The following ADGRD1 variants were observed in gnomAD, a reference collection of about 807,000 sequenced individuals.
ADGRD1 encodes adhesion G protein-coupled receptor D1, also known as G-protein coupled receptor 133.
A neutral mutation model predicts 113.4 loss-of-function variants in ADGRD1; 77 were observed. The ratio of observed to expected loss-of-function variants is 0.68; its 90% CI spans 0.57 to 0.82. The LOEUF (loss-of-function observed/expected upper bound fraction) is 0.82, where lower values mean the gene tolerates loss of function less well. Ranked by LOEUF, ADGRD1 falls within the 40% of genes least tolerant of loss-of-function variation. The pLI, the probability that ADGRD1 is intolerant of heterozygous loss-of-function variation, is 0.00. For synonymous variants in ADGRD1, 474 were observed against 475.0 expected (o/e 1.00, Z 0.03); for missense variants, 1,036 against 1,139.1 (o/e 0.91, Z 1.30).
At chr12:130,993,686 T>A (rs1285287430) in intron 8 of ADGRD1, 3 of 152,208 alleles carry the variant, frequency 2.0e-5, no homozygotes, top group Non-Finnish European at 4.4e-5. Flanking sequence ...CGCCCATGTG[T>A]CTCAGGTACT....
intron 15 of ADGRD1, among the ~76,000 whole-genome samples, chr12:131,100,983 A>G (rs1251766110): frequency 1.3e-5 from 2 of 152,234 alleles, no homozygotes; most frequent in Non-Finnish European, 2.9e-5. Flanking sequence ...GCCTTCAGCA[A>G]ATACCTCTGG....
intron 8 of ADGRD1, 173 bp downstream of exon 8, chr12:130,992,565 C>A: frequency 1.7e-6 from 1 of 581,506 alleles, no homozygotes; most frequent in Non-Finnish European, 3.0e-6. Flanking sequence ...CTGGCCAGCT[C>A]TGTACAGCTC....
chr12:131,057,344 G>A lies in ADGRD1; in HGVS notation c.1474-19457G>A, dbSNP rs895453641. 2.0e-5 allele frequency among the ~76,000 whole-genome samples: 3 copies of A among 152,178 alleles called. No individual in the cohort carries two copies. Among genetic ancestry groups the A allele is most frequent in the Admixed American group, 6.5e-5 (1 of 15,284 alleles). On this transcript the variant is annotated intron_variant, in intron 13 of 24. Transcript: ENST00000261654. The surrounding 1 kb of genome is among the most constrained non-coding windows in gnomAD (Gnocchi z 4.2). ...AGAGAATGCTTGGAAGGGGAACGGT[G>A]GAGAAAAGGGGCCAGATGGCAGCGG...
At chr12:131,011,365 T>C (rs1224731302) in intron 12 of ADGRD1, among the ~76,000 whole-genome samples, 1 of 151,696 alleles carries the variant, frequency 6.6e-6, no homozygotes, top group Non-Finnish European at 1.5e-5. Flanking sequence ...CCAGATTTGC[T>C]CTCATATCAT....
Position 131,057,498 on chromosome 12 carries a change from G to A in ADGRD1, c.1474-19303G>A, listed in dbSNP as rs1378753303. 6.6e-6 allele frequency among the ~76,000 whole-genome samples: 1 copy of A among 152,160 alleles called. No homozygotes were observed. The highest frequency in any genetic ancestry group is 2.4e-5 in the African/African-American group (1 of 41,438). On this transcript the variant is annotated intron_variant, in intron 13 of 24. Coordinates refer to ENST00000261654, the MANE Select transcript of ADGRD1 (RefSeq NM_198827.5). The surrounding 1 kb of genome is among the most constrained non-coding windows in gnomAD (Gnocchi z 4.2). ...AGTCTGAGACAAAGGCGTTGGCAGA[G>A]CTAGTTCGTTCTGGAGGCTCAGCGG...
chr12:131,090,025 T>C (rs1311719923), intron 15 of ADGRD1, among the ~76,000 whole-genome samples: 1 of 152,072 alleles, frequency 6.6e-6, no homozygotes, highest in Non-Finnish European at 1.5e-5. Context: ...TGTGTGTTTG[T>C]GGTAGAGGAA....
chr12:131,080,141 T>C (rs1885953001), intron 14 of ADGRD1, among the ~76,000 whole-genome samples: 1 of 152,218 alleles, frequency 6.6e-6, no homozygotes, highest in South Asian at 2.1e-4. Context: ...CTGATCTAGC[T>C]GCATTGCACA....
chr12:131,089,570 G>C lies in ADGRD1; in HGVS notation c.1671+4907G>C, dbSNP rs538799337. Among the ~76,000 whole-genome samples the C allele has an allele frequency of 1.4e-3, 204 of 149,392 alleles. 2 individuals are homozygous for C. The highest frequency in any genetic ancestry group is 2.3e-3 in the Non-Finnish European group (155 of 67,454). ...CTGCAAGTGCTCCCTGCCAGTGGGTGCTCACTTCCTGGTAGTGCTCCTGGC... is the reference window on the plus strand; with the variant it reads ...CTGCAAGTGCTCCCTGCCAGTGGGTCCTCACTTCCTGGTAGTGCTCCTGGC... On this transcript the variant is annotated intron_variant, in intron 15 of 24. Coordinates refer to ENST00000261654, the MANE Select transcript of ADGRD1 (RefSeq NM_198827.5).
At chr12:131,037,918 C>T (rs555984927) in intron 13 of ADGRD1, among the ~76,000 whole-genome samples, 2 of 149,358 alleles carry the variant, frequency 1.3e-5, no homozygotes, top group South Asian at 4.3e-4. Flanking sequence ...GGTCTCACTG[C>T]ACCAGGATCT....
chr12:131,139,120 T>C, intron 24 of ADGRD1, 48 bp from the exon 25 acceptor site: 5 of 1,447,788 alleles, frequency 3.5e-6, no homozygotes, highest in South Asian at 1.2e-5. Flanking sequence ...CTTATGGCTC[T>C]CCCCCTGGGA....
chr12:131,087,958 G>A (rs1302551617), intron 15 of ADGRD1, among the ~76,000 whole-genome samples: 3 of 152,206 alleles, frequency 2.0e-5, no homozygotes, highest in African/African-American at 4.8e-5. Context: ...GAGGAGCACC[G>A]TCCTCTGCGG....
intron 8 of ADGRD1, among the ~76,000 whole-genome samples, chr12:130,992,897 G>C (rs930948292): frequency 3.3e-5 from 5 of 152,246 alleles, no homozygotes; most frequent in African/African-American, 1.2e-4. Flanking sequence ...GGTGAAGGCA[G>C]AGGGTGGATC....
chr12:130,958,887 GGT>G (rs1433938798), intron 2 of ADGRD1, among the ~76,000 whole-genome samples: 1 of 152,246 alleles, frequency 6.6e-6, no homozygotes, highest in Non-Finnish European at 1.5e-5. Context: ...GCCCTGCGGT[GGT>G]GTCACGCCCT....
chr12:131,062,627 C>G (rs1409607194), intron 13 of ADGRD1, among the ~76,000 whole-genome samples: 2 of 152,008 alleles, frequency 1.3e-5, no homozygotes, highest in Non-Finnish European at 2.9e-5. Flanking sequence ...GGGGAGTTGC[C>G]CTGCGAAAGC....
rs748872524 is a variant in ADGRD1 at position 131,084,704 on chromosome 12, T to C, written c.1671+41T>C. 21 of 1,608,238 alleles carry C rather than the reference T, an allele frequency of 1.3e-5. No homozygotes were observed. Among genetic ancestry groups the C allele is most frequent in the Non-Finnish European group, 1.7e-5 (20 of 1,177,462 alleles). On this transcript the variant is annotated intron_variant, in intron 15 of 24. Transcript: ENST00000261654. This position sits in a 1 kb window ranked among gnomAD's most constrained non-coding sequence, Gnocchi z 4.5. Reference sequence around the variant, plus strand: ...CAGGGGTCGCGGGACCTGGGGGACGTACCATGAGGCTGCAGGTGGGGGCGG... The same window carrying C: ...CAGGGGTCGCGGGACCTGGGGGACGCACCATGAGGCTGCAGGTGGGGGCGG...
intron 4 of ADGRD1, among the ~76,000 whole-genome samples, chr12:130,974,049 G>GC (rs1295768032): frequency 6.6e-6 from 1 of 152,162 alleles, no homozygotes; most frequent in East Asian, 1.9e-4. Context: ...TTCTCACTGT[G>GC]CCCCCCTGGG....
At chr12:131,071,883 C>T (rs367609618) in intron 13 of ADGRD1, among the ~76,000 whole-genome samples, 190 of 151,070 alleles carry the variant, frequency 1.3e-3, no homozygotes, top group Middle Eastern at 6.8e-3. Flanking sequence ...TCGGAGACAT[C>T]GCAGCTGCTA....
In ADGRD1 at chr12:131,057,651, C is replaced by T. The variant is rs1490078129; in HGVS notation, c.1474-19150C>T. ...CTTTCCCGCAGTGTACGAGGACACT[C>T]AGATGGGACTGAGGGCTCGTCCCCA... is the stretch of plus-strand genomic sequence containing the variant. On this transcript the variant is annotated intron_variant, in intron 13 of 24. Coordinates refer to ENST00000261654, the MANE Select transcript of ADGRD1 (RefSeq NM_198827.5). This position sits in a 1 kb window ranked among gnomAD's most constrained non-coding sequence, Gnocchi z 4.2. 6.6e-6 allele frequency among the ~76,000 whole-genome samples: 1 copy of T among 152,216 alleles called. No homozygotes were observed. The highest frequency in any genetic ancestry group is 1.9e-4 in the East Asian group (1 of 5,194).
At chr12:131,007,285 C>T (rs547704974) in intron 12 of ADGRD1, among the ~76,000 whole-genome samples, 1 of 152,356 alleles carries the variant, frequency 6.6e-6, no homozygotes, top group African/African-American at 2.4e-5. Flanking sequence ...CTTTCCAGAA[C>T]TCTGCCCTCA....
Sources: allele counts gnomAD v4.1 joint callset (sites outside exome capture counted in the v4.1 genomes callset), GRCh38; gene constraint gnomAD v4.1.1; non-coding constraint Gnocchi (gnomAD v3.1); transcripts MANE v1.5; gene names NCBI Gene and HGNC (gene_info 2026-07-23, HGNC 2026-07-21).